The following ACP6 variants were observed in gnomAD, a reference collection of about 807,000 sequenced individuals.
The protein encoded by ACP6 is lysophosphatidic acid phosphatase type 6.
ACP6 carries 48 observed loss-of-function variants against 48.1 expected under a neutral mutation model. That is an observed-to-expected ratio of 1.00 (90% CI 0.79 to 1.27). The LOEUF (loss-of-function observed/expected upper bound fraction) is 1.27, where lower values mean the gene tolerates loss of function less well. Among genes scored for constraint, ACP6 ranks in the 50% most tolerant of loss-of-function variants. The probability of loss-of-function intolerance (pLI) is 0.00; values close to 1 mark genes in which losing one functional copy is unlikely to be tolerated. For missense variants in ACP6, 485 were observed against 529.1 expected (o/e 0.92, Z 0.82); for synonymous variants, 172 against 204.2 (o/e 0.84, Z 1.34).
At chr1:147,661,881 A>G (rs1553212827) in intron 1 of ACP6, among the ~76,000 whole-genome samples, 2 of 152,242 alleles carry the variant, frequency 1.3e-5, no homozygotes, top group African/African-American at 4.8e-5. Flanking sequence ...TTTCATAGCT[A>G]GAGAGAAAGT....
chr1:147,657,186 T>C (rs1405614894), intron 4 of ACP6, among the ~76,000 whole-genome samples: 1 of 151,290 alleles, frequency 6.6e-6, no homozygotes, highest in Non-Finnish European at 1.5e-5. Flanking sequence ...TGGAGTCTGA[T>C]ATTGGTGTCT....
chr1:147,655,695 G>A (rs994775179), intron 4 of ACP6, among the ~76,000 whole-genome samples: 1 of 152,176 alleles, frequency 6.6e-6, no homozygotes, highest in African/African-American at 2.4e-5. Flanking sequence ...ATAACAAACT[G>A]AGAAAAGTGG....
Position 147,650,151 on chromosome 1 carries a change from G to T in ACP6, c.969C>A (p.Asp323Glu). 6.2e-7 allele frequency: 1 copy of T among 1,607,042 alleles called. No homozygotes were observed. Among genetic ancestry groups the T allele is most frequent in the Non-Finnish European group, 8.5e-7 (1 of 1,176,950 alleles). ...LKAMDSATAPDKIRKLYLYAA... is the reference protein window; with the variant it reads ...LKAMDSATAPEKIRKLYLYAA... ...GTTGCTGTGCCAGGTACCTGATCTT[G>T]TCGGGGGCAGTGGCAGAGTCCATGG... The change falls in exon 8 of 10, where the codon GAC becomes GAA. Residue 323 changes from aspartate to glutamate, a missense_variant. Coordinates refer to ENST00000583509, the MANE Select transcript of ACP6 (RefSeq NM_016361.5).
chr1:147,648,954 G>C (rs1362380105), intron 8 of ACP6, among the ~76,000 whole-genome samples: 2 of 152,182 alleles, frequency 1.3e-5, no homozygotes, highest in Non-Finnish European at 2.9e-5. Flanking sequence ...TCTTAGGAAA[G>C]ACCAAGGATT....
At chr1:147,641,978 A>C (rs79740410), downstream of ACP6, among the ~76,000 whole-genome samples, 2 of 152,160 alleles carry the variant, frequency 1.3e-5, no homozygotes, top group African/African-American at 4.8e-5. Context: ...GAAAATAAGA[A>C]TACTTGAAGG....
intron 5 of ACP6, 130 bp from the exon 6 acceptor site, chr1:147,654,456 T>C: frequency 1.0e-6 from 1 of 1,003,978 alleles, no homozygotes; most frequent in African/African-American, 1.6e-5. Flanking sequence ...GCTGGTATTA[T>C]CCCAATTTTA....
At chr1:147,649,909 T>C in intron 8 of ACP6, 1 of 519,016 alleles carries the variant, frequency 1.9e-6, no homozygotes, top group Non-Finnish European at 3.3e-6. Flanking sequence ...CTTCAATTAA[T>C]AAAAAAAAGA....
At chr1:147,667,401 A>G (rs1303790792) in intron 1 of ACP6, among the ~76,000 whole-genome samples, 1 of 151,932 alleles carries the variant, frequency 6.6e-6, no homozygotes, top group East Asian at 1.9e-4. Context: ...TATTTTTAGT[A>G]GAGATGGGGT....
intron 1 of ACP6, among the ~76,000 whole-genome samples, chr1:147,663,930 C>G: frequency 6.6e-6 from 1 of 151,966 alleles, no homozygotes; most frequent in East Asian, 1.9e-4. Flanking sequence ...AAAAATTTAA[C>G]TCAATTTCCT....
At chr1:147,665,417 C>T (rs782129168) in intron 1 of ACP6, among the ~76,000 whole-genome samples, 22 of 152,046 alleles carry the variant, frequency 1.4e-4, no homozygotes, top group Non-Finnish European at 2.9e-4. Context: ...TAGGTAAACA[C>T]AGAAGAACAA....
intron 1 of ACP6, among the ~76,000 whole-genome samples, chr1:147,662,230 T>G (rs1660582825): frequency 6.6e-6 from 1 of 152,220 alleles, no homozygotes; most frequent in African/African-American, 2.4e-5. Flanking sequence ...ATTAATATTG[T>G]TTTTGTGCCT....
rs1361498026 is a variant in ACP6 at position 147,647,248 on chromosome 1, A to G, written c.*175T>C. On this transcript the variant is annotated 3_prime_UTR_variant, in exon 10 of 10. Transcript: ENST00000583509. ...GAAATATCCTTTTGGTCTCAATATT[A>G]TACCCCTTTTCCGTTCAGGAAGAAA... 4.1e-6 allele frequency: 3 copies of G among 728,192 alleles called. No individual in the cohort carries two copies. Among genetic ancestry groups the G allele is most frequent in the East Asian group, 2.7e-5 (1 of 36,468 alleles). The allele number at this position is 728,192 out of a possible 1,614,324, so 45.1% of individuals were successfully genotyped here.
At position 147,647,134 on chromosome 1, in the gene ACP6, A is replaced by G. The variant is rs1659658512; in HGVS notation, c.*289T>C. 6 of 324,286 alleles carry G rather than the reference A, an allele frequency of 1.9e-5. No homozygotes were observed. Among genetic ancestry groups the G allele is most frequent in the Non-Finnish European group, 2.9e-5 (5 of 173,304 alleles). 20.1% of individuals were successfully genotyped at this position (324,286 alleles called of 1,614,324 possible). ...TATAGGAGAAAAGAACTAAAGTCCA[A>G]AACCGACACAATTCTACAGGGTCAT... On this transcript the variant is annotated 3_prime_UTR_variant, in exon 10 of 10. Transcript: ENST00000583509.
At chr1:147,659,590 G>A in intron 2 of ACP6, 57 bp downstream of exon 2, 4 of 1,613,658 alleles carry the variant, frequency 2.5e-6, no homozygotes, top group Non-Finnish European at 3.4e-6. Context: ...ACTCAGCCCA[G>A]AGAAAACAAC....
rs187114288 is a variant in ACP6, at chr1:147,659,214, A to G, written c.480-175T>C. 2.6e-4 allele frequency: 273 copies of G among 1,050,844 alleles called. 1 individual carries two copies. Among genetic ancestry groups the G allele is most frequent in the Admixed American group, 1.8e-3 (64 of 35,340 alleles). 65.1% of individuals were successfully genotyped at this position (1,050,844 alleles called of 1,614,324 possible). On this transcript the variant is annotated intron_variant, in intron 3 of 9. Transcript: ENST00000583509. ...TCAGCCCCTGAGAGACTCGAAGTGC[A>G]ATGAATGCGACCTCCAGGAACGACC... is the stretch of plus-strand genomic sequence containing the variant.
chr1:147,664,382 G>A (rs1302036381), intron 1 of ACP6, among the ~76,000 whole-genome samples: 1 of 152,024 alleles, frequency 6.6e-6, no homozygotes, highest in Non-Finnish European at 1.5e-5. Context: ...TGGCCTTTCA[G>A]TATCATGTTT....
chr1:147,640,441 A>G (rs1013640819), downstream of ACP6, among the ~76,000 whole-genome samples: 7 of 152,168 alleles, frequency 4.6e-5, no homozygotes, highest in Non-Finnish European at 8.8e-5. Flanking sequence ...AGGAGCCACA[A>G]AGAGGCTCCT....
chr1:147,658,365 A>G (rs1660360426), intron 4 of ACP6, among the ~76,000 whole-genome samples: 1 of 152,230 alleles, frequency 6.6e-6, no homozygotes, highest in Non-Finnish European at 1.5e-5. Flanking sequence ...AGCCAATAAC[A>G]AATGACAAAA....
intron 8 of ACP6, among the ~76,000 whole-genome samples, chr1:147,648,758 C>G (rs1217956065): frequency 1.3e-5 from 2 of 152,192 alleles, no homozygotes; most frequent in African/African-American, 4.8e-5. Context: ...AATGCCCTTC[C>G]TACTCTCAGC....
Sources: allele counts gnomAD v4.1 joint callset (sites outside exome capture counted in the v4.1 genomes callset), GRCh38; gene constraint gnomAD v4.1.1; transcripts MANE v1.5; gene names NCBI Gene and HGNC (gene_info 2026-07-23, HGNC 2026-07-21).